The following PDZRN4 variants were observed in gnomAD, a reference collection of about 807,000 sequenced individuals.
PDZRN4 encodes the protein PDZ domain containing ring finger 4.
A neutral mutation model predicts 99.0 loss-of-function variants in PDZRN4; 70 were observed. The ratio of observed to expected loss-of-function variants is 0.71; its 90% CI spans 0.58 to 0.86. PDZRN4 has a LOEUF of 0.86. Among genes scored for constraint, PDZRN4 ranks in the 40% least tolerant of loss-of-function variants. The pLI, the probability that PDZRN4 is intolerant of heterozygous loss-of-function variation, is 0.00. For missense variants in PDZRN4, 1,474 were observed against 1,331.2 expected (o/e 1.11, Z -1.67); for synonymous variants, 551 against 501.6 (o/e 1.10, Z -1.32).
chr12:41,354,488 G>GA (rs1056271463), intron 3 of PDZRN4, among the ~76,000 whole-genome samples: 34 of 144,084 alleles, frequency 2.4e-4, no homozygotes, highest in Middle Eastern at 3.5e-3. Context: ...TTTGGAAAGT[G>GA]AAAAAAAAAA....
intron 3 of PDZRN4, among the ~76,000 whole-genome samples, chr12:41,397,019 A>C (rs1464334980): frequency 6.6e-6 from 1 of 152,150 alleles, no homozygotes; most frequent in Non-Finnish European, 1.5e-5. Context: ...AAAATTCCCA[A>C]ATACAGTTTT....
At chr12:41,541,561 C>A (rs1365539057) in intron 5 of PDZRN4, among the ~76,000 whole-genome samples, 3 of 151,336 alleles carry the variant, frequency 2.0e-5, no homozygotes, top group Non-Finnish European at 2.9e-5. Flanking sequence ...TCACACCATT[C>A]TCCAGCCTCA....
chr12:41,363,317 T>G (rs1490628396), intron 3 of PDZRN4, among the ~76,000 whole-genome samples: 1 of 152,138 alleles, frequency 6.6e-6, no homozygotes, highest in Non-Finnish European at 1.5e-5. Context: ...CATTTTTATC[T>G]TCATTATTTA....
chr12:41,195,474 A>T (rs766218497), intron 3 of PDZRN4, among the ~76,000 whole-genome samples: 3 of 152,156 alleles, frequency 2.0e-5, no homozygotes, highest in Non-Finnish European at 4.4e-5. Flanking sequence ...TGAATTTTTA[A>T]TGAATCGACA....
At chr12:41,566,534 G>A (rs886219564) in intron 8 of PDZRN4, among the ~76,000 whole-genome samples, 3 of 152,148 alleles carry the variant, frequency 2.0e-5, no homozygotes, top group African/African-American at 7.2e-5. Context: ...TAAGATAAAT[G>A]AGGATGAACA....
chr12:41,425,403 T>G (rs1952527140), intron 3 of PDZRN4, among the ~76,000 whole-genome samples: 2 of 151,240 alleles, frequency 1.3e-5, no homozygotes, highest in African/African-American at 4.9e-5. Context: ...GCAGAGAAAA[T>G]TCAAATATAT....
intron 5 of PDZRN4, among the ~76,000 whole-genome samples, chr12:41,541,231 G>T (rs548553669): frequency 6.6e-6 from 1 of 151,434 alleles, no homozygotes; most frequent in Non-Finnish European, 1.5e-5. Flanking sequence ...TGCCTAGCCA[G>T]CCCTACAACT....
chr12:41,477,208 A>G (rs1354120868), intron 3 of PDZRN4, among the ~76,000 whole-genome samples: 1 of 152,208 alleles, frequency 6.6e-6, no homozygotes, highest in African/African-American at 2.4e-5. Context: ...ATTAAAGATT[A>G]ATGCAAGTAT....
intron 3 of PDZRN4, among the ~76,000 whole-genome samples, chr12:41,447,744 G>A (rs186271517): frequency 1.4e-3 from 214 of 152,130 alleles, no homozygotes; most frequent in African/African-American, 4.6e-3. Context: ...CAGGACACCT[G>A]GAGTTCAAAC....
chr12:41,547,955 G>A (rs1304515496), intron 5 of PDZRN4, among the ~76,000 whole-genome samples: 1 of 152,134 alleles, frequency 6.6e-6, no homozygotes, highest in African/African-American at 2.4e-5. Context: ...TCTAAGAATG[G>A]GAAATTGGAG....
chr12:41,191,496 AGAAAAT>A lies in PDZRN4; in HGVS notation c.690_695del (p.Glu230_Asn231del), dbSNP rs1167225348. ...AGCCATTCACTATTGTGTTAGAAAG[AGAAAAT>A]GACACTTTGGGATTCAATATTATAG... On this transcript the variant is annotated inframe_deletion, in exon 2 of 10. Transcript: ENST00000402685. 2 of 1,579,326 alleles carry A rather than the reference AGAAAAT, an allele frequency of 1.3e-6. No homozygotes were observed. The highest frequency in any genetic ancestry group is 1.7e-6 in the Non-Finnish European group (2 of 1,162,028).
At chr12:41,525,048 A>C (rs1938547783) in intron 5 of PDZRN4, among the ~76,000 whole-genome samples, 1 of 152,162 alleles carries the variant, frequency 6.6e-6, no homozygotes, top group Non-Finnish European at 1.5e-5. Flanking sequence ...AGGAAAACTG[A>C]GGGAGGGAAA....
chr12:41,489,897 T>G (rs1281373746), intron 3 of PDZRN4, among the ~76,000 whole-genome samples: 1 of 152,198 alleles, frequency 6.6e-6, no homozygotes, highest in Non-Finnish European at 1.5e-5. Context: ...AGATTCTGGC[T>G]TCTTGTTATC....
intron 3 of PDZRN4, among the ~76,000 whole-genome samples, chr12:41,239,998 G>A (rs1416019430): frequency 6.6e-6 from 1 of 152,088 alleles, no homozygotes; most frequent in East Asian, 1.9e-4. Context: ...TTTTTTTAAA[G>A]GCACATATTG....
intron 3 of PDZRN4, among the ~76,000 whole-genome samples, chr12:41,455,786 T>G (rs930236108): frequency 3.9e-5 from 6 of 152,210 alleles, no homozygotes; most frequent in African/African-American, 1.4e-4. Context: ...TGTGTGTACT[T>G]CAGTCTCACC....
At position 41,541,808 on chromosome 12, in the gene PDZRN4, G is replaced by A. The variant is rs527441877; in HGVS notation, c.1204-10848G>A. Among the ~76,000 whole-genome samples the A allele has an allele frequency of 1.6e-4, 25 of 152,246 alleles. 1 individual carries two copies. Among genetic ancestry groups the A allele is most frequent in the African/African-American group, 5.1e-4 (21 of 41,532 alleles). ...AAGGCACTCTTGTGGATCATTTTGC[G>A]AATGTTTAGACTTTGCTTTTATCCC... On this transcript the variant is annotated intron_variant, in intron 5 of 9. Coordinates refer to ENST00000402685, the MANE Select transcript of PDZRN4 (RefSeq NM_001164595.2).
intron 5 of PDZRN4, among the ~76,000 whole-genome samples, chr12:41,516,871 C>T (rs1938409258): frequency 6.6e-6 from 1 of 151,626 alleles, no homozygotes; most frequent in Non-Finnish European, 1.5e-5. Flanking sequence ...ACTTCATAAT[C>T]ACATGTTGTA....
At chr12:41,567,456 T>C (rs1237911320) in intron 8 of PDZRN4, among the ~76,000 whole-genome samples, 1 of 152,146 alleles carries the variant, frequency 6.6e-6, no homozygotes, top group East Asian at 1.9e-4. Context: ...ACGGGACTGT[T>C]GGAGGTAATG....
At chr12:41,504,469 C>T (rs1938169196) in intron 3 of PDZRN4, among the ~76,000 whole-genome samples, 1 of 152,080 alleles carries the variant, frequency 6.6e-6, no homozygotes, top group Non-Finnish European at 1.5e-5. Context: ...GTCTTACCTA[C>T]CACTTGATTA....
Sources: gnomAD v4.1 joint callset for allele counts (sites outside exome capture counted in the v4.1 genomes callset) on GRCh38, gnomAD v4.1.1 for gene constraint, MANE v1.5 for transcripts, NCBI Gene and HGNC (gene_info 2026-07-23, HGNC 2026-07-21) for gene names.